The following SPRY1 variants were observed in gnomAD, a reference collection of about 807,000 sequenced individuals.
SPRY1 encodes the protein sprouty RTK signaling antagonist 1.
Under a neutral mutation model 22.6 loss-of-function variants are expected in SPRY1, and 20 were observed. That is an observed-to-expected ratio of 0.89 (90% CI 0.62 to 1.29). The LOEUF is 1.29. SPRY1 is among the 50% of genes most tolerant of loss of function. The pLI is 0.00. For synonymous variants in SPRY1, 155 were observed against 144.7 expected, an observed-to-expected ratio of 1.07 and a Z score of -0.51; for missense variants, 446 against 387.7, an observed-to-expected ratio of 1.15 and a Z score of -1.26.
chr4:123,401,089 G>A (rs1285622907), intron 2 of SPRY1, among the ~76,000 whole-genome samples: 1 of 152,082 alleles, frequency 6.6e-6, no homozygotes, highest in Non-Finnish European at 1.5e-5. Context: ...CAAAAAGGCT[G>A]TAGCACCAAA....
Position 123,403,720 on chromosome 4 carries a change from T to A in SPRY1, c.*1169T>A, listed in dbSNP as rs1238796062. The A allele has an allele frequency of 6.0e-6, 1 of 167,072 alleles. No homozygotes were observed. The highest frequency in any genetic ancestry group is 1.5e-5 in the Non-Finnish European group (1 of 68,122). The allele number at this position is 167,072 out of a possible 1,614,324, so 10.3% of individuals were successfully genotyped here. On this transcript the variant is annotated 3_prime_UTR_variant, in exon 3 of 3. Coordinates refer to ENST00000651917, the MANE Select transcript of SPRY1 (RefSeq NM_001258038.2). ...AGGTGACACGAAGAAAGTACATATGTTAACTATAATGCAGAAAATATATTA... is the reference window on the plus strand; with the variant it reads ...AGGTGACACGAAGAAAGTACATATGATAACTATAATGCAGAAAATATATTA...
In SPRY1 at chr4:123,402,563, G is replaced by A; in HGVS notation, c.*12G>A. ...GTAAACCATCATGATTTTTGGAGGTGGGTTGTACCTCCTGAACTTTTAGCT... is the reference window on the plus strand; with the variant it reads ...GTAAACCATCATGATTTTTGGAGGTAGGTTGTACCTCCTGAACTTTTAGCT... On this transcript the variant is annotated 3_prime_UTR_variant, in exon 3 of 3. Coordinates refer to ENST00000651917, the MANE Select transcript of SPRY1 (RefSeq NM_001258038.2). The A allele has an allele frequency of 6.3e-7, 1 of 1,585,256 alleles. No homozygotes were observed. The highest frequency in any genetic ancestry group is 8.6e-7 in the Non-Finnish European group (1 of 1,163,262).
rs1725229224 is a variant in SPRY1 at position 123,402,790 on chromosome 4, G to C, written c.*239G>C. On this transcript the variant is annotated 3_prime_UTR_variant, in exon 3 of 3. Transcript: ENST00000651917. ...ACAAGAGCCTCTGCCATCCACTTGA[G>C]GGTATTGAGAGCCAGTGGGCTTTTG... is the stretch of plus-strand genomic sequence containing the variant. 1.7e-6 allele frequency: 1 copy of C among 578,234 alleles called. No individual in the cohort carries two copies. The highest frequency in any genetic ancestry group is 2.9e-5 in the South Asian group (1 of 34,422). The allele number at this position is 578,234 out of a possible 1,614,324, so 35.8% of individuals were successfully genotyped here.
intron 2 of SPRY1, chr4:123,398,409 C>T (rs1476937524): frequency 1.3e-5 from 2 of 151,058 alleles, no homozygotes; most frequent in African/African-American, 4.8e-5. Context: ...GGCGATGCCG[C>T]CTCGCCCTCC....
intron 1 of SPRY1, among the ~76,000 whole-genome samples, chr4:123,397,198 A>C (rs1333153275): frequency 6.6e-6 from 1 of 152,198 alleles, no homozygotes; most frequent in African/African-American, 2.4e-5. Context: ...TTTGTGAAAC[A>C]CAGAGCCGTT....
In SPRY1 at chr4:123,402,206, C is replaced by G. The variant is rs766923780; in HGVS notation, c.615C>G (p.Asn205Lys). The G allele has an allele frequency of 9.3e-6, 15 of 1,614,112 alleles. No individual in the cohort carries two copies. In the African/African-American group the frequency reaches 1.7e-4, roughly 19 times the overall value. Residue 205 changes from asparagine (N) to lysine (K), a missense_variant, in exon 3 of 3, where the codon AAC (asparagine) becomes AAG (lysine). Asn to Lys is a moderately conservative substitution (Grantham distance 94). Transcript: ENST00000651917. Reference protein sequence around the residue: ...PRTLPSCLACNRQCLCSAESM... With the variant: ...PRTLPSCLACKRQCLCSAESM... ...CCCTACCATCCTGTTTGGCCTGTAA[C>G]CGGCAGTGCCTTTGCTCTGCTGAGA...
At chr4:123,399,828 G>T (rs1725077691) in intron 2 of SPRY1, 1 of 152,272 alleles carries the variant, frequency 6.6e-6, no homozygotes, top group African/African-American at 2.4e-5. Flanking sequence ...TCTTGGGGAA[G>T]GCAGTGTGCC....
In SPRY1 at chr4:123,396,905, G is replaced by GAA. The variant is rs1388668776; in HGVS notation, c.-326_-325dup. On this transcript the variant is annotated 5_prime_UTR_variant, in exon 1 of 3. It removes the in-frame stop codon of an upstream open reading frame in the 5' UTR. Transcript: ENST00000651917. The stretch of plus-strand genomic sequence containing the variant: ...GCTACAGTCGCTGTTAAATGTGCCT[G>GAA]AAAAGCAATTTGCAATCTTTGCATT... 6.6e-6 allele frequency: 1 copy of GAA among 152,334 alleles called. No individual in the cohort carries two copies. Among genetic ancestry groups the GAA allele is most frequent in the Non-Finnish European group, 1.5e-5 (1 of 68,034 alleles). 9.4% of individuals were successfully genotyped at this position (152,334 alleles called of 1,614,324 possible).
intron 2 of SPRY1, chr4:123,400,516 G>T (rs1488799448): frequency 6.6e-6 from 1 of 152,198 alleles, no homozygotes; most frequent in Non-Finnish European, 1.5e-5. Flanking sequence ...TTGGCAGTTT[G>T]TGAAGAACAC....
chr4:123,401,479 A>C lies in SPRY1; in HGVS notation c.-55-58A>C, dbSNP rs550467630. On this transcript the variant is annotated intron_variant, in intron 2 of 2. Transcript: ENST00000651917. Reference sequence around the variant, plus strand: ...TGATTTGACAGGATTCCCCCCCCCCAAAAAAAATGCTTCCTGTCATTTATT... The same window carrying C: ...TGATTTGACAGGATTCCCCCCCCCCCAAAAAAATGCTTCCTGTCATTTATT... 3.1e-4 allele frequency: 413 copies of C among 1,325,820 alleles called. 2 individuals are homozygous for C. In the African/African-American group the frequency reaches 5.4e-3, roughly 17 times the overall value. The allele number at this position is 1,325,820 out of a possible 1,614,324, so 82.1% of individuals were successfully genotyped here. A position where few individuals can be genotyped will look rare whatever the true frequency, so the allele number is the denominator to read the frequency against.
rs1725236120 is a variant in SPRY1 at position 123,403,051 on chromosome 4, T to C, written c.*500T>C. 2 of 384,522 alleles carry C rather than the reference T, an allele frequency of 5.2e-6. No homozygotes were observed. The highest frequency in any genetic ancestry group is 9.6e-6 in the Non-Finnish European group (2 of 208,998). The allele number at this position is 384,522 out of a possible 1,614,324, so 23.8% of individuals were successfully genotyped here. A position where few individuals can be genotyped will look rare whatever the true frequency, so the allele number is the denominator to read the frequency against. ...GTAGCATGGGGGATATATTTTTTGCTATAACGTAAAAATTTTCCTTTAACC... is the reference window on the plus strand; with the variant it reads ...GTAGCATGGGGGATATATTTTTTGCCATAACGTAAAAATTTTCCTTTAACC... On this transcript the variant is annotated 3_prime_UTR_variant, in exon 3 of 3. Coordinates refer to ENST00000651917, the MANE Select transcript of SPRY1 (RefSeq NM_001258038.2).
chr4:123,397,218 A>C (rs897311295), intron 1 of SPRY1, among the ~76,000 whole-genome samples: 5 of 152,198 alleles, frequency 3.3e-5, no homozygotes, highest in Non-Finnish European at 5.9e-5. Flanking sequence ...TAATGCCTTT[A>C]TGCGAAGAGG....
intron 2 of SPRY1, 81 bp from the exon 3 acceptor site, chr4:123,401,456 A>G: frequency 1.6e-6 from 2 of 1,270,876 alleles, no homozygotes; most frequent in Non-Finnish European, 2.2e-6. Context: ...GCAATTTGTG[A>G]TTTGACAGGA....
chr4:123,398,997 G>T (rs1247042472), intron 2 of SPRY1, among the ~76,000 whole-genome samples: 2 of 152,248 alleles, frequency 1.3e-5, no homozygotes. Context: ...GATAGAATTA[G>T]GCAGCCCCAA....
chr4:123,402,274 T>G lies in SPRY1; in HGVS notation c.683T>G (p.Ile228Ser). The change falls in exon 3 of 3, where the codon ATC becomes AGC. Residue 228 changes from isoleucine to serine, a missense_variant. Coordinates refer to ENST00000651917, the MANE Select transcript of SPRY1 (RefSeq NM_001258038.2). ...ACCTGCATGTGCTTAGTCAAGGGCA[T>G]CTTCTACCACTGCTCCAATGACGAC... ...YGTCMCLVKG[I>S]FYHCSNDDEG... 1 of 1,614,210 alleles carries G rather than the reference T, an allele frequency of 6.2e-7. No individual in the cohort carries two copies. The highest frequency in any genetic ancestry group is 8.5e-7 in the Non-Finnish European group (1 of 1,180,022).
intron 1 of SPRY1, among the ~76,000 whole-genome samples, chr4:123,397,291 C>A (rs553613421): frequency 6.6e-6 from 1 of 152,270 alleles, no homozygotes; most frequent in East Asian, 1.9e-4. Context: ...GACCGAATCC[C>A]GAGTGAAGCA....
Position 123,402,220 on chromosome 4 carries a change from G to A in SPRY1, c.629G>A (p.Cys210Tyr). 5 of 1,614,218 alleles carry A rather than the reference G, an allele frequency of 3.1e-6. No individual in the cohort carries two copies. The highest frequency in any genetic ancestry group is 4.2e-6 in the Non-Finnish European group (5 of 1,180,044). ...TTGGCCTGTAACCGGCAGTGCCTTT[G>A]CTCTGCTGAGAGCATGGTGGAATAT... ...SCLACNRQCL[C>Y]SAESMVEYGT... The change falls in exon 3 of 3, where the codon TGC becomes TAC. Residue 210 changes from cysteine to tyrosine, a missense_variant. Physicochemically the swap from Cys to Tyr is radical, Grantham distance 194 (BLOSUM62 -2). Transcript: ENST00000651917.
chr4:123,400,904 C>A (rs1045034247), intron 2 of SPRY1, among the ~76,000 whole-genome samples: 2 of 152,030 alleles, frequency 1.3e-5, no homozygotes, highest in African/African-American at 4.8e-5. Context: ...CACCAAGAAT[C>A]GTTGTGTACC....
Position 123,400,614 on chromosome 4 carries a change from A to G in SPRY1, c.-55-923A>G, listed in dbSNP as rs562157497. 6.0e-4 allele frequency among the ~76,000 whole-genome samples: 91 copies of G among 152,342 alleles called. No homozygotes were observed. The South Asian group carries it at 0.017, about 29-fold the overall frequency. On this transcript the variant is annotated intron_variant, in intron 2 of 2. Transcript: ENST00000651917. ...AGTGTGCTGATTTTGTTACAAGAAG[A>G]ACGTTGAATCAGAATTGGCAGTGCG...
Sources: allele counts gnomAD v4.1 joint callset (sites outside exome capture counted in the v4.1 genomes callset), GRCh38; gene constraint gnomAD v4.1.1; transcripts MANE v1.5; gene names NCBI Gene and HGNC (gene_info 2026-07-23, HGNC 2026-07-21).